Variants in PP2D1 observed in about 807,000 individuals in gnomAD.
PP2D1 encodes the protein protein phosphatase 2C like domain containing 1, also known as protein phosphatase 2C-like domain-containing protein 1.
In PP2D1, 25 loss-of-function variants were observed where a neutral mutation model predicts 30.2. That is an observed-to-expected ratio of 0.83 (90% CI 0.60 to 1.16). The LOEUF is 1.16. PP2D1 is among the 50% of genes most tolerant of loss of function. The pLI is 0.00. For missense variants in PP2D1, 760 were observed against 742.4 expected (o/e 1.02, Z -0.28); for synonymous variants, 260 against 258.9 (o/e 1.00, Z -0.04).
At chr3:20,010,473 C>T (rs565823507) in intron 1 of PP2D1, among the ~76,000 whole-genome samples, 3 of 152,236 alleles carry the variant, frequency 2.0e-5, no homozygotes, top group Admixed American at 2.0e-4. Context: ...CCCATAAATA[C>T]TTCAGTCTCA....
At chr3:19,991,555 G>A (rs1327815325) in intron 2 of PP2D1, among the ~76,000 whole-genome samples, 4 of 152,206 alleles carry the variant, frequency 2.6e-5, no homozygotes, top group Admixed American at 6.5e-5. Context: ...GTTGCCAGGG[G>A]TAATAAGGAC....
chr3:19,981,916 G>A (rs79527339), downstream of PP2D1, among the ~76,000 whole-genome samples: 342 of 152,222 alleles, frequency 2.2e-3, 1 homozygote, highest in African/African-American at 7.7e-3. Context: ...TACAGCTACT[G>A]GTCAGTCAGA....
chr3:19,998,625 G>A (rs1697212502), intron 2 of PP2D1, among the ~76,000 whole-genome samples: 1 of 152,096 alleles, frequency 6.6e-6, no homozygotes, highest in South Asian at 2.1e-4. Flanking sequence ...AAAAGAATGT[G>A]AGTTTGGCAG....
intron 2 of PP2D1, among the ~76,000 whole-genome samples, chr3:19,993,432 C>G (rs1049949058): frequency 1.3e-5 from 2 of 152,122 alleles, no homozygotes; most frequent in African/African-American, 4.8e-5. Context: ...TGAGCCGAAT[C>G]CACGTTAAAT....
In PP2D1 at chr3:19,993,779, G is replaced by A. The variant is rs144557599; in HGVS notation, c.1090+7251C>T. On this transcript the variant is annotated intron_variant, in intron 2 of 2. Coordinates refer to ENST00000389050, the MANE Select transcript of PP2D1 (RefSeq NM_001252657.2). ...TTTTGAGACGGAGTCTCGCTCTGTC[G>A]CCCAGGCTGGAGTGCAGTAGTGCGA... Among the ~76,000 whole-genome samples, 19 of 152,160 alleles carry A rather than the reference G, an allele frequency of 1.2e-4. No individual in the cohort carries two copies. In the East Asian group the frequency reaches 3.5e-3, roughly 28 times the overall value.
downstream of PP2D1, among the ~76,000 whole-genome samples, chr3:19,982,525 T>C (rs1444204984): frequency 6.6e-6 from 1 of 152,158 alleles, no homozygotes; most frequent in African/African-American, 2.4e-5. Context: ...AGGCAGCTGA[T>C]GGTTACTCTG....
In PP2D1 at chr3:19,985,922, T is replaced by A; in HGVS notation, c.1351A>T (p.Ile451Phe). The change falls in exon 3 of 3, where the codon ATT becomes TTT. Residue 451 changes from isoleucine to phenylalanine, a missense_variant. Around this residue, in one of 3 missense-constraint regions of PP2D1, gnomAD observed 369 missense variants for 316.2 expected, o/e 1.17. Transcript: ENST00000389050. Reference sequence around the variant, plus strand: ...TCCCAAAGTCCATTAGTAGCTACAATAAGGAATTGACATAGGTCATCTATA... The same window carrying A: ...TCCCAAAGTCCATTAGTAGCTACAAAAAGGAATTGACATAGGTCATCTATA... ...VPIDDLCQFL[I>F]VATNGLWEVL... 6.5e-7 allele frequency: 1 copy of A among 1,536,380 alleles called. No homozygotes were observed. Among genetic ancestry groups the A allele is most frequent in the Non-Finnish European group, 8.7e-7 (1 of 1,146,928 alleles).
At chr3:20,002,643 GGCAC>G (rs1255986541) in intron 1 of PP2D1, among the ~76,000 whole-genome samples, 2 of 152,236 alleles carry the variant, frequency 1.3e-5, no homozygotes, top group African/African-American at 4.8e-5. Flanking sequence ...TAGAAGGCCA[GGCAC>G]GGTGGCTCAC....
At chr3:19,994,339 CAT>C (rs1341987376) in intron 2 of PP2D1, among the ~76,000 whole-genome samples, 1 of 152,156 alleles carries the variant, frequency 6.6e-6, no homozygotes, top group Non-Finnish European at 1.5e-5. Context: ...AGGATAATCA[CAT>C]GTTTAATACA....
intron 2 of PP2D1, among the ~76,000 whole-genome samples, chr3:19,993,218 CAT>C (rs1485207572): frequency 3.3e-5 from 5 of 151,986 alleles, no homozygotes; most frequent in African/African-American, 9.7e-5. Context: ...ACAATCTAGA[CAT>C]AAAGATATTG....
At chr3:19,994,228 AT>A (rs1457808252) in intron 2 of PP2D1, among the ~76,000 whole-genome samples, 1 of 152,154 alleles carries the variant, frequency 6.6e-6, no homozygotes, top group African/African-American at 2.4e-5. Flanking sequence ...AAAAATGACT[AT>A]TTCAAATTAG....
At chr3:20,011,500 T>C (rs563785925) in intron 1 of PP2D1, among the ~76,000 whole-genome samples, 18 of 152,210 alleles carry the variant, frequency 1.2e-4, no homozygotes, top group South Asian at 4.2e-4. Context: ...CATTCATTCA[T>C]AATAACAAAT....
At chr3:19,988,220 C>G (rs537866217) in intron 2 of PP2D1, among the ~76,000 whole-genome samples, 3 of 152,308 alleles carry the variant, frequency 2.0e-5, no homozygotes, top group South Asian at 4.1e-4. Flanking sequence ...AGCCATATTT[C>G]TCTTCTTACA....
chr3:19,987,605 A>G (rs1196087737), intron 2 of PP2D1, among the ~76,000 whole-genome samples: 1 of 152,118 alleles, frequency 6.6e-6, no homozygotes, highest in Non-Finnish European at 1.5e-5. Flanking sequence ...TTACGTATTT[A>G]GGCTTAGAAG....
chr3:19,980,562 T>C (rs886534934), downstream of PP2D1, among the ~76,000 whole-genome samples: 50 of 152,168 alleles, frequency 3.3e-4, no homozygotes, highest in African/African-American at 1.1e-3. Context: ...TTACTCGTTC[T>C]AGTTTACCTC....
At chr3:19,987,350 T>C (rs1320901651) in intron 2 of PP2D1, among the ~76,000 whole-genome samples, 1 of 152,156 alleles carries the variant, frequency 6.6e-6, no homozygotes. Flanking sequence ...TATAATTACG[T>C]ATTTTTTAAA....
intron 2 of PP2D1, among the ~76,000 whole-genome samples, chr3:19,988,132 A>G (rs77731814): frequency 1.3e-5 from 2 of 152,126 alleles, no homozygotes; most frequent in Admixed American, 1.3e-4. Flanking sequence ...CCTTGAAAAA[A>G]GAGCAGGATA....
chr3:19,982,039 C>A (rs1461877613), downstream of PP2D1, among the ~76,000 whole-genome samples: 1 of 151,580 alleles, frequency 6.6e-6, no homozygotes, highest in South Asian at 2.1e-4. Context: ...GCCAGGAGTT[C>A]TAGACCAGCC....
rs975275873 is a variant in PP2D1, at chr3:19,985,526, C to G, written c.1747G>C (p.Glu583Gln). 9.1e-6 allele frequency: 14 copies of G among 1,535,928 alleles called. No individual in the cohort carries two copies. Among genetic ancestry groups the G allele is most frequent in the Admixed American group, 3.9e-5 (2 of 50,970 alleles). ...TCATAGAAACTCTTAGTGTCTGATT[C>G]TTTTTCATTTGTTGCCACATCATTT... is the stretch of plus-strand genomic sequence containing the variant. ...SVNDVATNEK[E>Q]SDTKSFYEGA... Residue 583 changes from glutamate (E) to glutamine (Q), a missense_variant, in exon 3 of 3, where the codon GAA becomes CAA. Physicochemically the swap from Glu to Gln is conservative, Grantham distance 29. Transcript: ENST00000389050.
Sources: allele counts gnomAD v4.1 joint callset (sites outside exome capture counted in the v4.1 genomes callset), GRCh38; gene constraint gnomAD v4.1.1; regional missense constraint gnomAD v4.1.1; transcripts MANE v1.5; gene names NCBI Gene and HGNC (gene_info 2026-07-23, HGNC 2026-07-21).